TCEA3: variants seen among roughly 807,000 people sequenced by gnomAD.
TCEA3 encodes the protein transcription elongation factor A protein 3.
In TCEA3, 36 loss-of-function variants were observed where a neutral mutation model predicts 44.0. The ratio of observed to expected loss-of-function variants is 0.82; its 90% confidence interval spans 0.63 to 1.08. TCEA3 has a LOEUF of 1.08. Ranked by LOEUF, TCEA3 falls within the 50% of genes least tolerant of loss-of-function variation. TCEA3 has a pLI of 0.00. For synonymous variants in TCEA3, 162 were observed against 159.7 expected (o/e 1.01, Z -0.11); for missense variants, 392 against 441.2 (o/e 0.89, Z 1.00).
intron 4 of TCEA3, among the ~76,000 whole-genome samples, chr1:23,409,800 C>T (rs921829595): frequency 2.0e-5 from 3 of 152,098 alleles, no homozygotes; most frequent in African/African-American, 7.2e-5. Context: ...CTGCCCACCT[C>T]GGCCTCCCAA....
chr1:23,412,438 C>T (rs1342488964), intron 4 of TCEA3, among the ~76,000 whole-genome samples: 4 of 148,774 alleles, frequency 2.7e-5, no homozygotes, highest in African/African-American at 1.0e-4. Context: ...CATGGTGGCT[C>T]ACACCTGTAA....
intron 5 of TCEA3, chr1:23,404,087 C>T: frequency 1.4e-6 from 1 of 702,290 alleles, no homozygotes. Flanking sequence ...TGAGTAGAGG[C>T]ATCTGGAGGC....
In TCEA3 at chr1:23,423,737, C is replaced by T. The variant is rs1023694988; in HGVS notation, c.69+828G>A. 2.4e-4 allele frequency: 109 copies of T among 455,870 alleles called. 2 individuals carry two copies. The highest frequency in any genetic ancestry group is 1.7e-3 in the South Asian group (108 of 64,568). 28.2% of individuals were successfully genotyped at this position (455,870 alleles called of 1,614,324 possible). On this transcript the variant is annotated intron_variant, in intron 1 of 10. Transcript: ENST00000450454. ...GGACCCAAGGCCAAATTTGCTCTGG[C>T]CAGGCGACCAGTCGGCCGCCAGCCC... is the stretch of plus-strand genomic sequence containing the variant.
intron 10 of TCEA3, among the ~76,000 whole-genome samples, chr1:23,383,014 T>C (rs1047456319): frequency 6.6e-6 from 1 of 152,226 alleles, no homozygotes; most frequent in African/African-American, 2.4e-5. Context: ...GCGCGGCGGC[T>C]CACGCCTGTA....
chr1:23,415,665 T>C (rs1192844633), intron 4 of TCEA3, among the ~76,000 whole-genome samples: 1 of 152,246 alleles, frequency 6.6e-6, no homozygotes, highest in East Asian at 1.9e-4. Context: ...CACTCCGTGC[T>C]AGGCACTGTG....
intron 4 of TCEA3, among the ~76,000 whole-genome samples, chr1:23,416,088 C>A (rs1245192912): frequency 6.7e-6 from 1 of 149,534 alleles, no homozygotes; most frequent in East Asian, 2.0e-4. Context: ...CTCACTGCAA[C>A]CTCCGACTTC....
At chr1:23,398,941 C>CT (rs1257923348) in intron 5 of TCEA3, among the ~76,000 whole-genome samples, 3 of 150,714 alleles carry the variant, frequency 2.0e-5, no homozygotes, top group Admixed American at 6.6e-5. Flanking sequence ...TAATTTTTAC[C>CT]TTTTTTTGCA....
chr1:23,414,527 G>A (rs953416981), intron 4 of TCEA3, among the ~76,000 whole-genome samples: 4 of 152,076 alleles, frequency 2.6e-5, no homozygotes, highest in African/African-American at 7.2e-5. Context: ...TCAGTCTCCT[G>A]AGTAGCTGGG....
rs1208406874 is a variant in TCEA3 at position 23,397,880 on chromosome 1, G to C, written c.519C>G (p.Ser173=). The C allele has an allele frequency of 6.2e-7, 1 of 1,613,770 alleles. No homozygotes were observed. The highest frequency in any genetic ancestry group is 8.5e-7 in the Non-Finnish European group (1 of 1,179,846). The change falls in exon 6 of 11, where the codon TCC becomes TCG. Residue 173 remains serine, a synonymous_variant. Transcript: ENST00000450454. ...GATAGCAGGGGGCCAGGAGACACAT[G>C]GAAGAGGCAAACGTGGGGGTCAAGG... The part of the protein sequence containing the change: ...SSPLTPTFAS[S]MCLLAPCYLT...
At chr1:23,406,093 C>A (rs1039602298) in intron 5 of TCEA3, among the ~76,000 whole-genome samples, 1 of 152,180 alleles carries the variant, frequency 6.6e-6, no homozygotes, top group Non-Finnish European at 1.5e-5. Context: ...CTGGAACCAC[C>A]ATTTCTAGGC....
chr1:23,393,363 A>G (rs980229310), intron 8 of TCEA3, among the ~76,000 whole-genome samples: 1 of 151,924 alleles, frequency 6.6e-6, no homozygotes, highest in African/African-American at 2.4e-5. Context: ...CACATGCTCC[A>G]TACATACACA....
chr1:23,393,839 C>T, intron 8 of TCEA3, 40 bp downstream of exon 8: 1 of 1,603,230 alleles, frequency 6.2e-7, no homozygotes. Context: ...GCTAGGGGGA[C>T]CTGGCTTCCT....
chr1:23,411,112 G>C (rs576104930), intron 4 of TCEA3: 1 of 192,108 alleles, frequency 5.2e-6, no homozygotes, highest in Non-Finnish European at 1.1e-5. Context: ...CCAGGCCCTG[G>C]AGATGTGGCA....
intron 8 of TCEA3, among the ~76,000 whole-genome samples, chr1:23,389,433 G>A (rs1638953024): frequency 6.6e-6 from 1 of 150,770 alleles, no homozygotes; most frequent in Non-Finnish European, 1.5e-5. Context: ...AAGTTGCAGT[G>A]AGCTGAGACT....
chr1:23,383,321 C>T (rs1053068742), intron 10 of TCEA3: 4 of 650,414 alleles, frequency 6.1e-6, no homozygotes, highest in African/African-American at 2.0e-5. Flanking sequence ...ATCAGGAAGT[C>T]GGAGCATCGG....
At chr1:23,405,150 T>C (rs1393908156) in intron 5 of TCEA3, among the ~76,000 whole-genome samples, 2 of 152,308 alleles carry the variant, frequency 1.3e-5, no homozygotes, top group East Asian at 3.9e-4. Context: ...ACCCCGTGTA[T>C]GCATGTGCTC....
intron 2 of TCEA3, 84 bp from the exon 3 acceptor site, chr1:23,418,093 T>C: frequency 2.2e-6 from 3 of 1,350,008 alleles, no homozygotes; most frequent in South Asian, 2.5e-5. Context: ...GCCCCAGCTC[T>C]ACCACCACCT....
chr1:23,419,037 C>T (rs1026515098), intron 2 of TCEA3, 40 bp downstream of exon 2: 4 of 1,098,414 alleles, frequency 3.6e-6, no homozygotes, highest in African/African-American at 1.7e-5. Flanking sequence ...ACCAGCTCTC[C>T]CCCCAGGCAC....
chr1:23,394,850 G>A (rs1311180023), intron 7 of TCEA3, among the ~76,000 whole-genome samples: 2 of 152,192 alleles, frequency 1.3e-5, no homozygotes, highest in Non-Finnish European at 2.9e-5. Context: ...CCACTCACCC[G>A]GCAGGAAGTC....
Sources: gnomAD v4.1 joint callset for allele counts (sites outside exome capture counted in the v4.1 genomes callset) on GRCh38, gnomAD v4.1.1 for gene constraint, MANE v1.5 for transcripts, NCBI Gene and HGNC (gene_info 2026-07-23, HGNC 2026-07-21) for gene names.